The following MAST4 variants were observed in gnomAD, a reference collection of about 807,000 sequenced individuals.
MAST4 encodes microtubule-associated serine/threonine-protein kinase 4.
A neutral mutation model predicts 162.7 loss-of-function variants in MAST4; 89 were observed. That is an observed-to-expected ratio of 0.55 (90% CI 0.46 to 0.65). MAST4 has a LOEUF of 0.65. Ranked by LOEUF, MAST4 falls within the 30% of genes least tolerant of loss-of-function variation. MAST4 has a pLI of 0.00. For synonymous variants in MAST4, 1,479 were observed against 1,361.1 expected (o/e 1.09, Z -1.91); for missense variants, 3,153 against 3,374.0 (o/e 0.93, Z 1.62).
intron 1 of MAST4, among the ~76,000 whole-genome samples, chr5:66,663,340 C>T (rs1747030713): frequency 6.6e-6 from 1 of 152,124 alleles, no homozygotes; most frequent in Admixed American, 6.6e-5. Context: ...GTGAACAAAA[C>T]AGACAAAAAT....
rs780664142 is a variant in MAST4, at chr5:67,166,419, T to C, written c.7240T>C (p.Phe2414Leu). ...GCCAGCCGCGGGGGTGGGGAAGGGC[T>C]TCCCTGAGGCCAGAGGGAAAGGGCC... is the stretch of plus-strand genomic sequence containing the variant. ...ERPAAGVGKG[F>L]PEARGKGPGP... Residue 2414 changes from phenylalanine to leucine, a missense_variant, in exon 29 of 29, where the codon TTC (phenylalanine) becomes CTC (leucine). Physicochemically the swap from Phe to Leu is conservative, Grantham distance 22. Transcript: ENST00000403625. 2.5e-6 allele frequency: 4 copies of C among 1,608,018 alleles called. No homozygotes were observed. Among genetic ancestry groups the C allele is most frequent in the Non-Finnish European group, 3.4e-6 (4 of 1,177,210 alleles).
At chr5:66,914,998 T>A (rs1187114227) in intron 4 of MAST4, among the ~76,000 whole-genome samples, 1 of 151,976 alleles carries the variant, frequency 6.6e-6, no homozygotes, top group African/African-American at 2.4e-5. Flanking sequence ...CGAGGTGGCT[T>A]ATGCCTGTAA....
At chr5:67,111,057 G>GT (rs1340945739) in intron 11 of MAST4, among the ~76,000 whole-genome samples, 1 of 152,010 alleles carries the variant, frequency 6.6e-6, no homozygotes, top group Non-Finnish European at 1.5e-5. Flanking sequence ...AAAATTATAT[G>GT]TTTTTGGCCA....
At chr5:66,901,710 A>G (rs566865432) in intron 4 of MAST4, among the ~76,000 whole-genome samples, 2 of 152,126 alleles carry the variant, frequency 1.3e-5, no homozygotes, top group Non-Finnish European at 1.5e-5. Flanking sequence ...TTTTTTAGTG[A>G]ATTCTGGGAA....
intron 1 of MAST4, among the ~76,000 whole-genome samples, chr5:66,750,065 T>C (rs930564880): frequency 6.6e-6 from 1 of 152,252 alleles, no homozygotes; most frequent in African/African-American, 2.4e-5. Context: ...TTCATATCTT[T>C]GGTTTCTTAA....
chr5:66,811,064 C>G (rs1756453074), intron 3 of MAST4, among the ~76,000 whole-genome samples: 1 of 152,184 alleles, frequency 6.6e-6, no homozygotes. Flanking sequence ...GCCAGGCACG[C>G]ACAGGAACCG....
chr5:66,887,346 G>A (rs1762104599), intron 3 of MAST4, among the ~76,000 whole-genome samples: 1 of 152,208 alleles, frequency 6.6e-6, no homozygotes, highest in Admixed American at 6.5e-5. Flanking sequence ...TGCCAGAGTT[G>A]TGTTGATGTC....
chr5:66,763,255 G>T (rs1033648778), intron 2 of MAST4, among the ~76,000 whole-genome samples: 3 of 152,156 alleles, frequency 2.0e-5, no homozygotes, highest in African/African-American at 7.2e-5. Context: ...GTATTAACTG[G>T]AGTGAATCTT....
Position 66,746,923 on chromosome 5 carries a change from A to C in MAST4, c.364-12786A>C, listed in dbSNP as rs374597842. On this transcript the variant is annotated intron_variant, in intron 1 of 28. Coordinates refer to ENST00000403625, the MANE Select transcript of MAST4 (RefSeq NM_001164664.2). ...TTGAAAACTATGCACAAAGTGTGCCATGTTTTAAAAAACTATAAAATGATA... is the reference window on the plus strand; with the variant it reads ...TTGAAAACTATGCACAAAGTGTGCCCTGTTTTAAAAAACTATAAAATGATA... Among the ~76,000 whole-genome samples the C allele has an allele frequency of 2.6e-5, 4 of 152,342 alleles. No homozygotes were observed. In the East Asian group the frequency reaches 5.8e-4, roughly 22 times the overall value.
chr5:67,117,307 T>G (rs1011156291), intron 12 of MAST4, among the ~76,000 whole-genome samples: 1 of 152,182 alleles, frequency 6.6e-6, no homozygotes, highest in Non-Finnish European at 1.5e-5. Context: ...GCTAAGCTCC[T>G]TTTTATTCTG....
intron 4 of MAST4, among the ~76,000 whole-genome samples, chr5:66,969,411 A>G (rs894270784): frequency 5.9e-5 from 9 of 152,316 alleles, no homozygotes; most frequent in East Asian, 5.8e-4. Context: ...GTCTTTATCT[A>G]TGAATCCCCT....
At chr5:66,731,133 AT>A (rs757823966) in intron 1 of MAST4, among the ~76,000 whole-genome samples, 3 of 152,186 alleles carry the variant, frequency 2.0e-5, no homozygotes, top group Admixed American at 6.5e-5. Flanking sequence ...GCCACAGGTA[AT>A]TGTTGTTAAG....
chr5:66,638,929 C>T (rs1296215796), intron 1 of MAST4, among the ~76,000 whole-genome samples: 1 of 152,064 alleles, frequency 6.6e-6, no homozygotes, highest in Admixed American at 6.6e-5. Flanking sequence ...GGGGGAAAAG[C>T]AGTAGTTAAG....
intron 3 of MAST4, among the ~76,000 whole-genome samples, chr5:66,897,355 T>C (rs1762750316): frequency 6.6e-6 from 1 of 152,202 alleles, no homozygotes; most frequent in Non-Finnish European, 1.5e-5. Context: ...ATACACGAAG[T>C]ACTGCAGGGA....
intron 26 of MAST4, among the ~76,000 whole-genome samples, chr5:67,157,293 G>T (rs1401636079): frequency 1.3e-5 from 2 of 152,190 alleles, no homozygotes; most frequent in Non-Finnish European, 2.9e-5. Flanking sequence ...CCTTAGAGAA[G>T]TTGTCTTTGG....
chr5:66,847,726 C>A (rs1307773713), intron 3 of MAST4, among the ~76,000 whole-genome samples: 1 of 141,052 alleles, frequency 7.1e-6, no homozygotes, highest in Non-Finnish European at 1.5e-5. Context: ...GAGGCTGAGG[C>A]ACTAGAATCA....
At chr5:66,936,764 C>A (rs37548) in intron 4 of MAST4, among the ~76,000 whole-genome samples, 2 of 152,150 alleles carry the variant, frequency 1.3e-5, no homozygotes, top group East Asian at 3.8e-4. Flanking sequence ...TTTGTAAATG[C>A]ACCTTAAACA....
intron 3 of MAST4, among the ~76,000 whole-genome samples, chr5:66,803,765 C>G (rs559698215): frequency 6.6e-6 from 1 of 152,074 alleles, no homozygotes; most frequent in African/African-American, 2.4e-5. Context: ...CAAGTAATAA[C>G]AGCTTTGCTT....
intron 3 of MAST4, chr5:66,870,884 T>C (rs763162937): frequency 6.6e-5 from 31 of 470,752 alleles, no homozygotes; most frequent in South Asian, 4.8e-4. Context: ...GGGCAACGGG[T>C]GTGCATGGCG....
Sources: gnomAD v4.1 joint callset for allele counts (sites outside exome capture counted in the v4.1 genomes callset) on GRCh38, gnomAD v4.1.1 for gene constraint, MANE v1.5 for transcripts, NCBI Gene and HGNC (gene_info 2026-07-23, HGNC 2026-07-21) for gene names.